BPIFB6: variants seen among roughly 807,000 people sequenced by gnomAD.
BPIFB6 encodes the protein BPI fold containing family B member 6, also known as BPI fold-containing family B member 6.
In BPIFB6, 47 loss-of-function variants were observed where a neutral mutation model predicts 54.7. The ratio of observed to expected loss-of-function variants is 0.86; its 90% confidence interval spans 0.68 to 1.10. The LOEUF (loss-of-function observed/expected upper bound fraction) is 1.10. Ranked by LOEUF, BPIFB6 falls within the 50% of genes least tolerant of loss-of-function variation. BPIFB6 has a pLI of 0.00. For synonymous variants in BPIFB6, 255 were observed against 225.9 expected (o/e 1.13, Z -1.16); for missense variants, 603 against 564.1 (o/e 1.07, Z -0.70).
At position 33,037,601 on chromosome 20, in the gene BPIFB6, G is replaced by C; in HGVS notation, c.709G>C (p.Ala237Pro). Residue 237 changes from alanine to proline, a missense_variant, in exon 8 of 15, where the codon GCT (alanine) becomes CCT (proline). Physicochemically the swap from Ala to Pro is conservative, Grantham distance 27. Transcript: ENST00000349552. ...QQQKGKTIKL[A>P]DAGEALTFPE... ...GCAAAAGGGCAAAACCATCAAGCTT[G>C]CTGATGCCGGGGAGGCCCTCACGTT... 1 of 1,613,918 alleles carries C rather than the reference G, an allele frequency of 6.2e-7. No individual in the cohort carries two copies. The highest frequency in any genetic ancestry group is 2.2e-5 in the East Asian group (1 of 44,856).
At chr20:33,032,905 C>A in intron 1 of BPIFB6, 79 bp from the exon 2 acceptor site, 1 of 1,138,982 alleles carries the variant, frequency 8.8e-7, no homozygotes, top group Non-Finnish European at 1.3e-6. Flanking sequence ...CAGGGTGGGG[C>A]ACAGTGACGG....
At position 33,034,276 on chromosome 20, in the gene BPIFB6, C is replaced by T. The variant is rs1488207418; in HGVS notation, c.288C>T (p.Thr96=). The T allele has an allele frequency of 9.9e-6, 16 of 1,613,202 alleles. No homozygotes were observed. Among genetic ancestry groups the T allele is most frequent in the Admixed American group, 1.7e-5 (1 of 60,008 alleles). Residue 96 remains threonine (T), a synonymous_variant, in exon 3 of 15, where the codon ACC becomes ACT. Coordinates refer to ENST00000349552, the MANE Select transcript of BPIFB6 (RefSeq NM_174897.2). ...GIFQCVSTGM[T]VTGKSFMGGN... ...TCCAATGTGTGTCCACAGGCATGAC[C>T]GTCACTGGCAAGAGGTGAGTGTGGC...
In BPIFB6 at chr20:33,037,618, C is replaced by A; in HGVS notation, c.726C>A (p.Ala242=). The A allele has an allele frequency of 6.2e-7, 1 of 1,614,054 alleles. No homozygotes were observed. The highest frequency in any genetic ancestry group is 8.5e-7 in the Non-Finnish European group (1 of 1,179,958). ...KTIKLADAGE[A]LTFPEGYAKG... ...TCAAGCTTGCTGATGCCGGGGAGGC[C>A]CTCACGTTCCCTGAGGGTTATGCCA... Residue 242 remains alanine (A), a synonymous_variant, in exon 8 of 15, where the codon GCC becomes GCA. Coordinates refer to ENST00000349552, the MANE Select transcript of BPIFB6 (RefSeq NM_174897.2).
In BPIFB6 at chr20:33,031,721, G is replaced by A. The variant is rs148120627; in HGVS notation, c.74G>A (p.Arg25Gln). 151 of 1,613,962 alleles carry A rather than the reference G, an allele frequency of 9.4e-5. 1 individual carries two copies. In the Middle Eastern group the frequency reaches 2.3e-3, roughly 25 times the overall value. Residue 25 changes from arginine to glutamine, a missense_variant, in exon 1 of 15, where the codon CGG (arginine) becomes CAG (glutamine). Coordinates refer to ENST00000349552, the MANE Select transcript of BPIFB6 (RefSeq NM_174897.2). The part of the protein sequence containing the change: ...GTRADPGALL[R>Q]LGMDIMNQVQ... Reference sequence around the variant, plus strand: ...CGAGCTGACCCTGGGGCACTGCTGCGGTTGGGCATGGACATCATGAACCGT... The same window carrying A: ...CGAGCTGACCCTGGGGCACTGCTGCAGTTGGGCATGGACATCATGAACCGT...
Position 33,044,041 on chromosome 20 carries a change from G to T in BPIFB6, c.1356G>T (p.Leu452=). ...VENALMLDLK[L]G is the part of the protein sequence containing the mutation. ...ATGCCCTGATGCTGGACTTGAAGCT[G>T]GGCTGACCATGGCAGGACTCCCCTG... is the stretch of plus-strand genomic sequence containing the variant. Residue 452 remains leucine, a synonymous_variant, in exon 15 of 15, where the codon CTG becomes CTT. Transcript: ENST00000349552. 1 of 1,614,124 alleles carries T rather than the reference G, an allele frequency of 6.2e-7. No homozygotes were observed. The highest frequency in any genetic ancestry group is 8.5e-7 in the Non-Finnish European group (1 of 1,180,022).
intron 10 of BPIFB6, among the ~76,000 whole-genome samples, chr20:33,039,998 T>C (rs1376548635): frequency 6.6e-6 from 1 of 152,164 alleles, no homozygotes; most frequent in Non-Finnish European, 1.5e-5. Context: ...TAGTATGATG[T>C]GTGCAGGGAC....
At chr20:33,039,139 CT>C (rs1979467844) in intron 9 of BPIFB6, among the ~76,000 whole-genome samples, 177 bp downstream of exon 9, 1 of 152,210 alleles carries the variant, frequency 6.6e-6, no homozygotes, top group African/African-American at 2.4e-5. Context: ...AACAGCTCTA[CT>C]TTTGTGCATT....
chr20:33,037,350 T>C (rs943834808), intron 7 of BPIFB6, among the ~76,000 whole-genome samples: 10 of 152,218 alleles, frequency 6.6e-5, no homozygotes, highest in African/African-American at 2.4e-4. Flanking sequence ...CGTGGTTTAG[T>C]GACTGACTCC....
intron 5 of BPIFB6, 121 bp downstream of exon 5, chr20:33,035,265 G>C: frequency 9.6e-7 from 1 of 1,041,380 alleles, no homozygotes; most frequent in Non-Finnish European, 1.4e-6. Flanking sequence ...GAAGGGTTCT[G>C]AGACTGTGGC....
chr20:33,037,574 C>T lies in BPIFB6; in HGVS notation c.682C>T (p.Gln228Ter), dbSNP rs753515911. 15 of 1,611,426 alleles carry T rather than the reference C, an allele frequency of 9.3e-6. No homozygotes were observed. The highest frequency in any genetic ancestry group is 1.3e-5 in the Non-Finnish European group (15 of 1,178,192). ...TGCTGCCCCATAGCCTGTGGTGCAGCAGCAAAAGGGCAAAACCATCAAGCT... is the reference window on the plus strand; with the variant it reads ...TGCTGCCCCATAGCCTGTGGTGCAGTAGCAAAAGGGCAAAACCATCAAGCT... Reference protein sequence around the residue: ...IQLDFSPVVQQQKGKTIKLAD... With the variant: ...IQLDFSPVVQ Residue 228 changes from glutamine (Q) to a stop codon, truncating the protein, a stop_gained, in exon 8 of 15, where the codon CAG becomes TAG. Transcript: ENST00000349552. LOFTEE classifies it high-confidence loss of function.
Position 33,036,973 on chromosome 20 carries a change from C to T in BPIFB6, c.669+437C>T, listed in dbSNP as rs192421190. Among the ~76,000 whole-genome samples the T allele has an allele frequency of 5.4e-3, 816 of 152,230 alleles. 5 individuals are homozygous for T. The highest frequency in any genetic ancestry group is 6.6e-3 in the Non-Finnish European group (449 of 68,018). ...CCTGAGATCTTTGGCACAGCATTCCCCACCACTCTCACCTCACCCTCACCC... is the reference window on the plus strand; with the variant it reads ...CCTGAGATCTTTGGCACAGCATTCCTCACCACTCTCACCTCACCCTCACCC... On this transcript the variant is annotated intron_variant, in intron 7 of 14. Transcript: ENST00000349552.
At chr20:33,033,231 T>C (rs1372398681) in intron 2 of BPIFB6, 148 bp downstream of exon 2, 2 of 711,930 alleles carry the variant, frequency 2.8e-6, no homozygotes, top group African/African-American at 1.8e-5. Flanking sequence ...TGTGTGGCCT[T>C]GGGTAGGTCA....
intron 11 of BPIFB6, among the ~76,000 whole-genome samples, chr20:33,041,310 C>T (rs1979575751): frequency 6.6e-6 from 1 of 152,082 alleles, no homozygotes; most frequent in Non-Finnish European, 1.5e-5. Context: ...GTAGCTCTGC[C>T]TTCAGGTGTG....
At chr20:33,036,347 G>C in intron 6 of BPIFB6, 98 bp from the exon 7 acceptor site, 1 of 1,005,282 alleles carries the variant, frequency 9.9e-7, no homozygotes, top group Non-Finnish European at 1.5e-6. Context: ...CTTGAGTCAC[G>C]TGGAGGGCCA....
chr20:33,035,576 G>A (rs567044686), intron 5 of BPIFB6, 36 bp from the exon 6 acceptor site: 4 of 1,610,616 alleles, frequency 2.5e-6, no homozygotes, highest in African/African-American at 1.3e-5. Context: ...TCTCCATGCA[G>A]GGACCCTCTC....
chr20:33,040,121 G>A (rs1568987400), intron 10 of BPIFB6, 130 bp from the exon 11 acceptor site: 2 of 807,774 alleles, frequency 2.5e-6, no homozygotes, highest in African/African-American at 1.7e-5. Flanking sequence ...CCTGAGGATG[G>A]GCAGAGAGAA....
At position 33,040,290 on chromosome 20, in the gene BPIFB6, C is replaced by T; in HGVS notation, c.1114C>T (p.Gln372Ter). 6.2e-7 allele frequency: 1 copy of T among 1,614,162 alleles called. No homozygotes were observed. Among genetic ancestry groups the T allele is most frequent in the Non-Finnish European group, 8.5e-7 (1 of 1,180,022 alleles). ...GGTCCAGTACTCAGTGCATGAGAAC[C>T]AGCTGCAGATGGCCACTTCTTTGGA... ...LKVQYSVHEN[Q>*]LQMATSLDRL... The change falls in exon 11 of 15, where the codon CAG (glutamine) becomes TAG (stop). Residue 372 changes from glutamine to a stop codon, truncating the protein, a stop_gained. Transcript: ENST00000349552. LOFTEE classifies it high-confidence loss of function.
chr20:33,042,089 G>A (rs1333748373), intron 12 of BPIFB6, 74 bp downstream of exon 12: 1 of 1,471,496 alleles, frequency 6.8e-7, no homozygotes, highest in African/African-American at 1.4e-5. Flanking sequence ...GAACTACAGG[G>A]CCGAGGCCCT....
At chr20:33,035,866 C>T (rs913276705) in intron 6 of BPIFB6, among the ~76,000 whole-genome samples, 194 bp downstream of exon 6, 2 of 152,172 alleles carry the variant, frequency 1.3e-5, no homozygotes, top group Non-Finnish European at 2.9e-5. Flanking sequence ...GGTTCCTTTT[C>T]TCTCATCTCC....
Sources: gnomAD v4.1 joint callset for allele counts (sites outside exome capture counted in the v4.1 genomes callset) on GRCh38, gnomAD v4.1.1 for gene constraint, MANE v1.5 for transcripts, NCBI Gene and HGNC (gene_info 2026-07-23, HGNC 2026-07-21) for gene names.